The following IL1RAPL1 variants were observed in gnomAD, a reference collection of about 807,000 sequenced individuals.
IL1RAPL1 encodes the protein interleukin 1 receptor accessory protein like 1, also known as interleukin-1 receptor accessory protein-like 1.
Under a neutral mutation model 48.4 loss-of-function variants are expected in IL1RAPL1, and 3 were observed. The observed-to-expected ratio is 0.06, with a 90% CI of 0.03 to 0.16. The LOEUF is 0.16. Among genes scored for constraint, IL1RAPL1 ranks in the 10% least tolerant of loss-of-function variants. The probability of loss-of-function intolerance (pLI) is 1.00; values close to 1 mark genes in which losing one functional copy is unlikely to be tolerated. For missense variants in IL1RAPL1, 349 were observed against 530.6 expected (o/e 0.66, Z 3.36); for synonymous variants, 185 against 187.7 (o/e 0.99, Z 0.12).
intron 9 of IL1RAPL1, among the ~76,000 whole-genome samples, chrX:29,953,963 C>T (rs969144151): frequency 1.8e-5 from 2 of 110,162 alleles, no homozygotes; most frequent in East Asian, 2.8e-4. Context: ...CTGCTGGGTG[C>T]GGTGGCTCAC....
rs1052042061 is a variant in IL1RAPL1, at chrX:28,770,836, A to T, written c.-24-18484A>T. Among the ~76,000 whole-genome samples, 4 of 112,265 alleles carry T rather than the reference A, an allele frequency of 3.6e-5. No homozygotes were observed. The East Asian group carries it at 1.1e-3, about 31-fold the overall frequency. On this transcript the variant is annotated intron_variant, in intron 1 of 10. Transcript: ENST00000378993. Reference sequence around the variant, plus strand: ...ATCTACAATATGAGGATCAATGAGGATATTATATCATGTCTGTTGAAAATG... The same window carrying T: ...ATCTACAATATGAGGATCAATGAGGTTATTATATCATGTCTGTTGAAAATG...
chrX:29,016,323 G>A (rs777890286), intron 2 of IL1RAPL1, among the ~76,000 whole-genome samples: 1 of 111,602 alleles, frequency 9.0e-6, no homozygotes, highest in South Asian at 3.7e-4. Flanking sequence ...AAAGTAAGCA[G>A]TATGACACAG....
At chrX:29,718,335 C>T (rs1259307590) in intron 6 of IL1RAPL1, among the ~76,000 whole-genome samples, 3 of 109,811 alleles carry the variant, frequency 2.7e-5, no homozygotes, top group Non-Finnish European at 5.7e-5. Context: ...AACCATCATT[C>T]TCAGCAAACT....
chrX:29,020,100 A>C (rs1003443145), intron 2 of IL1RAPL1, among the ~76,000 whole-genome samples: 4 of 112,819 alleles, frequency 3.5e-5, no homozygotes, highest in Admixed American at 9.4e-5. Context: ...AACTGCAGGA[A>C]AGATTCTTGG....
chrX:29,417,783 A>C (rs1365373774), intron 5 of IL1RAPL1, among the ~76,000 whole-genome samples: 1 of 110,754 alleles, frequency 9.0e-6, no homozygotes, highest in Non-Finnish European at 1.9e-5. Context: ...GGAACCTTTA[A>C]TGAGTACTTA....
chrX:28,999,426 C>G (rs908955305), intron 2 of IL1RAPL1, among the ~76,000 whole-genome samples: 1 of 111,503 alleles, frequency 9.0e-6, no homozygotes, highest in Non-Finnish European at 1.9e-5. Context: ...TTTATGCTAG[C>G]CCAATCCCTG....
At chrX:29,766,903 C>G (rs1233433603) in intron 6 of IL1RAPL1, among the ~76,000 whole-genome samples, 1 of 108,166 alleles carries the variant, frequency 9.2e-6, no homozygotes, top group Non-Finnish European at 1.9e-5. Context: ...CTTCTAAGGG[C>G]AAAATATTCT....
intron 2 of IL1RAPL1, among the ~76,000 whole-genome samples, chrX:29,045,720 C>T (rs1300703196): frequency 8.9e-6 from 1 of 111,770 alleles, no homozygotes; most frequent in African/African-American, 3.3e-5. Flanking sequence ...CATGAGCCAC[C>T]ATGCCCAGTC....
At chrX:29,234,231 T>A (rs1431051118) in intron 2 of IL1RAPL1, among the ~76,000 whole-genome samples, 1 of 109,985 alleles carries the variant, frequency 9.1e-6, no homozygotes, top group African/African-American at 3.4e-5. Flanking sequence ...TATGGATATA[T>A]AATGGTTGCA....
chrX:28,809,280 C>T (rs1936764477), intron 2 of IL1RAPL1, among the ~76,000 whole-genome samples: 1 of 110,453 alleles, frequency 9.1e-6, no homozygotes, highest in East Asian at 2.9e-4. Context: ...ATGCATTTCT[C>T]ATGAAGAGTA....
At chrX:29,107,788 G>A (rs10521950) in intron 2 of IL1RAPL1, among the ~76,000 whole-genome samples, 9 of 112,097 alleles carry the variant, frequency 8.0e-5, no homozygotes, top group African/African-American at 2.3e-4. Context: ...ACAATGTTAC[G>A]TTTACTGCTA....
chrX:28,985,902 G>A (rs1318145348), intron 2 of IL1RAPL1, among the ~76,000 whole-genome samples: 1 of 110,260 alleles, frequency 9.1e-6, no homozygotes. Flanking sequence ...CTTGTGATCC[G>A]CCTGCCTCGG....
chrX:28,976,318 A>G (rs1925207541), intron 2 of IL1RAPL1, among the ~76,000 whole-genome samples: 1 of 111,762 alleles, frequency 8.9e-6, no homozygotes, highest in Non-Finnish European at 1.9e-5. Context: ...TTGGTTTATG[A>G]TGGTAGCAGT....
At chrX:29,550,264 T>A (rs1025427050) in intron 5 of IL1RAPL1, among the ~76,000 whole-genome samples, 1 of 110,879 alleles carries the variant, frequency 9.0e-6, no homozygotes, top group Non-Finnish European at 1.9e-5. Context: ...GGATCTCGGC[T>A]CACTGCAAGC....
chrX:28,695,767 A>G (rs905155621), intron 1 of IL1RAPL1, among the ~76,000 whole-genome samples: 3 of 112,182 alleles, frequency 2.7e-5, no homozygotes, highest in Non-Finnish European at 3.8e-5. Context: ...AACAAAAAGG[A>G]GTCTCTTCTT....
In IL1RAPL1 at chrX:28,628,322, CT is replaced by C. The variant is rs1418024258; in HGVS notation, c.-25+40278del. Among the ~76,000 whole-genome samples the C allele has an allele frequency of 2.1e-4, 24 of 112,141 alleles. 1 individual carries two copies. The highest frequency in any genetic ancestry group is 3.8e-5 in the Non-Finnish European group (2 of 53,279). ...AGGGCAGGGGAAATGGACTCTGCCTCTTTAGTGAGAAGAATTTCAAAATCAC... is the reference window on the plus strand; with the variant it reads ...AGGGCAGGGGAAATGGACTCTGCCTCTTAGTGAGAAGAATTTCAAAATCAC... On this transcript the variant is annotated intron_variant, in intron 1 of 10. Coordinates refer to ENST00000378993, the MANE Select transcript of IL1RAPL1 (RefSeq NM_014271.4).
At chrX:28,780,477 G>A (rs1936411714) in intron 1 of IL1RAPL1, among the ~76,000 whole-genome samples, 1 of 109,860 alleles carries the variant, frequency 9.1e-6, no homozygotes. Flanking sequence ...GGAAGTTGTT[G>A]CATTGAGAAA....
At position 29,267,588 on chromosome X, in the gene IL1RAPL1, A is replaced by G. The variant is rs138792386; in HGVS notation, c.83-15350A>G. ...TGCGTTGTTTTTCTACTTGTGCCCT[A>G]TTTCTAATAGTGGAAGAATTTTTTT... On this transcript the variant is annotated intron_variant, in intron 2 of 10. Coordinates refer to ENST00000378993, the MANE Select transcript of IL1RAPL1 (RefSeq NM_014271.4). Among the ~76,000 whole-genome samples, 125 of 111,204 alleles carry G rather than the reference A, an allele frequency of 1.1e-3. 1 individual carries two copies. Among genetic ancestry groups the G allele is most frequent in the African/African-American group, 4.0e-3 (122 of 30,631 alleles).
In IL1RAPL1 at chrX:29,143,036, C is replaced by G. The variant is rs1390722810; in HGVS notation, c.83-139902C>G. On this transcript the variant is annotated intron_variant, in intron 2 of 10. Transcript: ENST00000378993. Reference sequence around the variant, plus strand: ...TTTTAACTTCGGGAGCAAAGAAGAACTCCAATCTCTGGAATCAGAAAAAAT... The same window carrying G: ...TTTTAACTTCGGGAGCAAAGAAGAAGTCCAATCTCTGGAATCAGAAAAAAT... Among the ~76,000 whole-genome samples the G allele has an allele frequency of 2.7e-5, 3 of 110,886 alleles. No homozygotes were observed. In the East Asian group the frequency reaches 8.5e-4, roughly 31 times the overall value.
Sources: allele counts gnomAD v4.1 joint callset (sites outside exome capture counted in the v4.1 genomes callset), GRCh38; gene constraint gnomAD v4.1.1; transcripts MANE v1.5; gene names NCBI Gene and HGNC (gene_info 2026-07-23, HGNC 2026-07-21).